The following KCNH1 variants were observed in gnomAD, a reference collection of about 807,000 sequenced individuals.
The protein encoded by KCNH1 is voltage-gated delayed rectifier potassium channel KCNH1.
Under a neutral mutation model 69.2 loss-of-function variants are expected in KCNH1, and 27 were observed. The observed-to-expected ratio is 0.39, with a 90% CI of 0.29 to 0.54. The LOEUF (loss-of-function observed/expected upper bound fraction) is 0.54. Ranked by LOEUF, KCNH1 falls within the 20% of genes least tolerant of loss-of-function variation. KCNH1 has a pLI of 0.68. For missense variants in KCNH1, 798 were observed against 1,261.6 expected (o/e 0.63, Z 5.57); for synonymous variants, 456 against 487.7 (o/e 0.93, Z 0.86).
At chr1:210,868,016 T>G (rs1242478193) in intron 7 of KCNH1, among the ~76,000 whole-genome samples, 8 of 152,066 alleles carry the variant, frequency 5.3e-5, no homozygotes, top group African/African-American at 1.9e-4. Flanking sequence ...TGCTCTTTGG[T>G]AAATGAACAG....
intron 4 of KCNH1, 54 bp downstream of exon 4, chr1:211,090,508 C>G (rs1691033678): frequency 6.6e-7 from 1 of 1,508,928 alleles, no homozygotes; most frequent in African/African-American, 1.4e-5. Context: ...TAACAAGAGC[C>G]ACAATAAAGA....
intron 6 of KCNH1, among the ~76,000 whole-genome samples, chr1:210,998,649 G>T (rs1689103556): frequency 6.6e-6 from 1 of 152,152 alleles, no homozygotes; most frequent in African/African-American, 2.4e-5. Context: ...ACTCAGCTCT[G>T]CCCCAAGCAG....
intron 10 of KCNH1, among the ~76,000 whole-genome samples, chr1:210,700,380 C>G (rs1456182389): frequency 2.0e-5 from 3 of 152,150 alleles, no homozygotes; most frequent in African/African-American, 7.2e-5. Flanking sequence ...CTCATCTGGG[C>G]CCCTCTAGCC....
intron 5 of KCNH1, among the ~76,000 whole-genome samples, chr1:211,034,101 T>C (rs1689850018): frequency 6.6e-6 from 1 of 152,158 alleles, no homozygotes; most frequent in Non-Finnish European, 1.5e-5. Flanking sequence ...CCCAGAAGAA[T>C]GAAAACTTAT....
intron 1 of KCNH1, among the ~76,000 whole-genome samples, chr1:211,115,335 C>T (rs993927777): frequency 6.6e-6 from 1 of 152,076 alleles, no homozygotes; most frequent in Non-Finnish European, 1.5e-5. Context: ...ATGGTTAATA[C>T]TGAGTGTCAA....
intron 10 of KCNH1, among the ~76,000 whole-genome samples, chr1:210,696,036 C>G (rs917092033): frequency 3.9e-5 from 6 of 152,236 alleles, no homozygotes; most frequent in Admixed American, 3.3e-4. Context: ...CCAGCAGTTT[C>G]TCTGGTCACT....
chr1:211,018,234 A>T (rs1689526921), intron 6 of KCNH1, among the ~76,000 whole-genome samples: 1 of 152,178 alleles, frequency 6.6e-6, no homozygotes, highest in African/African-American at 2.4e-5. Flanking sequence ...ATAATCCAAA[A>T]ACCACAAGCT....
chr1:210,701,128 G>A (rs1457056434), intron 10 of KCNH1, among the ~76,000 whole-genome samples: 2 of 152,020 alleles, frequency 1.3e-5, no homozygotes, highest in Non-Finnish European at 2.9e-5. Flanking sequence ...TAGTAGAGAC[G>A]GGGTTTCACT....
At chr1:210,806,806 CCAAAAAAAAAAAAA>C (rs1404180070) in intron 7 of KCNH1, among the ~76,000 whole-genome samples, 4,749 of 86,218 alleles carry the variant, frequency 0.055, 726 homozygotes, top group Admixed American at 0.1. Context: ...CCCATCTCTA[CCAAAAAAAAAAAAA>C]AAAAAAAAAA....
intron 5 of KCNH1, among the ~76,000 whole-genome samples, chr1:211,082,341 G>A (rs934698613): frequency 1.6e-4 from 24 of 152,138 alleles, no homozygotes; most frequent in Non-Finnish European, 2.9e-5. Flanking sequence ...AAAGAAACAA[G>A]TTAAATGCAC....
At chr1:211,115,684 ATACT>A (rs1381408442) in intron 1 of KCNH1, among the ~76,000 whole-genome samples, 2 of 116,740 alleles carry the variant, frequency 1.7e-5, no homozygotes, top group Admixed American at 8.9e-5. Flanking sequence ...GTGTAAGTTA[ATACT>A]TAATAAACTC....
At chr1:210,744,565 A>G (rs1683105154) in intron 10 of KCNH1, among the ~76,000 whole-genome samples, 1 of 151,946 alleles carries the variant, frequency 6.6e-6, no homozygotes, top group African/African-American at 2.4e-5. Flanking sequence ...AATCACTTGA[A>G]CCCGGGAGGC....
chr1:210,711,886 G>C (rs941083952), intron 10 of KCNH1, among the ~76,000 whole-genome samples: 2 of 152,186 alleles, frequency 1.3e-5, no homozygotes, highest in East Asian at 3.9e-4. Flanking sequence ...TCAGAGGCTG[G>C]TTAGTTTCTC....
chr1:211,069,683 A>T (rs1690599480), intron 5 of KCNH1, among the ~76,000 whole-genome samples: 1 of 152,178 alleles, frequency 6.6e-6, no homozygotes, highest in Admixed American at 6.5e-5. Flanking sequence ...AAAACTGAAA[A>T]GCAAAGAGAA....
At chr1:210,925,456 G>A (rs1054296532) in intron 6 of KCNH1, among the ~76,000 whole-genome samples, 1 of 152,234 alleles carries the variant, frequency 6.6e-6, no homozygotes, top group Admixed American at 6.5e-5. Context: ...TCTCAGTAGG[G>A]AGGCTCACGG....
chr1:210,925,590 C>T (rs963753682), intron 6 of KCNH1, among the ~76,000 whole-genome samples: 1 of 152,174 alleles, frequency 6.6e-6, no homozygotes, highest in East Asian at 1.9e-4. Context: ...CAGGGTGAAG[C>T]CTGTGACTGC....
intron 4 of KCNH1, among the ~76,000 whole-genome samples, chr1:211,087,124 A>G (rs932348885): frequency 3.3e-5 from 5 of 152,206 alleles, no homozygotes; most frequent in South Asian, 2.1e-4. Flanking sequence ...CATGTCCAAC[A>G]TGAAGATACA....
At chr1:210,992,995 G>A (rs1437173369) in intron 6 of KCNH1, among the ~76,000 whole-genome samples, 2 of 152,058 alleles carry the variant, frequency 1.3e-5, no homozygotes, top group Non-Finnish European at 2.9e-5. Flanking sequence ...TGTCTCTGAG[G>A]CAGGTCATGC....
At chr1:211,108,837 C>T (rs1049526056) in intron 1 of KCNH1, among the ~76,000 whole-genome samples, 3 of 152,230 alleles carry the variant, frequency 2.0e-5, no homozygotes, top group African/African-American at 7.2e-5. Context: ...CCCTCCATCT[C>T]TCCCATATAT....
Sources: allele counts gnomAD v4.1 joint callset (sites outside exome capture counted in the v4.1 genomes callset), GRCh38; gene constraint gnomAD v4.1.1; transcripts MANE v1.5; gene names NCBI Gene and HGNC (gene_info 2026-07-23, HGNC 2026-07-21).